The following FRMPD1 variants were observed in gnomAD, a reference collection of about 807,000 sequenced individuals.
The protein encoded by FRMPD1 is FERM and PDZ domain containing 1, also known as FERM and PDZ domain-containing protein 1.
FRMPD1 carries 76 observed loss-of-function variants against 117.8 expected under a neutral mutation model. The observed-to-expected ratio is 0.65, with a 90% CI of 0.54 to 0.78. FRMPD1 has a LOEUF of 0.78. FRMPD1 is among the 30% of genes least tolerant of loss of function. FRMPD1 has a pLI of 0.00. For missense variants in FRMPD1, 1,786 were observed against 1,964.5 expected, an observed-to-expected ratio of 0.91 and a Z score of 1.72; for synonymous variants, 783 against 770.4, an observed-to-expected ratio of 1.02 and a Z score of -0.27.
the FRMPD1 span, among the ~76,000 whole-genome samples, chr9:37,638,034 C>CTTTCT: frequency 3.1e-5 from 2 of 63,974 alleles, 1 homozygote; most frequent in African/African-American, 1.2e-4. Flanking sequence ...CTCTCTCTTT[C>CTTTCT]TTCCTTTCTT....
chr9:37,622,821 G>C, the FRMPD1 span, among the ~76,000 whole-genome samples: 5 of 151,732 alleles, frequency 3.3e-5, no homozygotes, highest in Non-Finnish European at 7.4e-5. Flanking sequence ...TAGGAAATGA[G>C]AAAAAAGTAG....
At chr9:37,608,461 C>A in the FRMPD1 span, among the ~76,000 whole-genome samples, 1 of 147,698 alleles carries the variant, frequency 6.8e-6, no homozygotes, top group Non-Finnish European at 1.5e-5. Flanking sequence ...TTCCTTTCTT[C>A]CTTCCCTCCT....
chr9:37,711,569 A>G (rs1024197649), intron 5 of FRMPD1, among the ~76,000 whole-genome samples, 174 bp downstream of exon 5: 5 of 152,156 alleles, frequency 3.3e-5, no homozygotes, highest in Non-Finnish European at 7.4e-5. Context: ...TCCTCCATGC[A>G]AGTACTGTGG....
chr9:37,744,184 C>T (rs1179901032), intron 15 of FRMPD1, among the ~76,000 whole-genome samples: 6 of 151,704 alleles, frequency 4.0e-5, no homozygotes, highest in African/African-American at 4.9e-5. Flanking sequence ...AAAGAGACTC[C>T]GTCTCAAAAA....
intron 1 of FRMPD1, among the ~76,000 whole-genome samples, chr9:37,665,490 G>T (rs1271655405): frequency 6.6e-6 from 1 of 152,190 alleles, no homozygotes; most frequent in African/African-American, 2.4e-5. Context: ...GTCCATTTGT[G>T]TGAGTATATT....
the FRMPD1 span, among the ~76,000 whole-genome samples, chr9:37,643,589 G>T: frequency 0.11 from 17,361 of 151,802 alleles, 1,078 homozygotes; most frequent in East Asian, 0.18. Flanking sequence ...TTACATTTTT[G>T]ATTTTAAAAA....
At chr9:37,699,511 G>A (rs1588939168) in intron 2 of FRMPD1, among the ~76,000 whole-genome samples, 1 of 150,858 alleles carries the variant, frequency 6.6e-6, no homozygotes, top group African/African-American at 2.4e-5. Context: ...GAAGATACGG[G>A]GTTTCACCAT....
At chr9:37,724,014 T>A (rs374341463) in intron 6 of FRMPD1, among the ~76,000 whole-genome samples, 34 of 145,432 alleles carry the variant, frequency 2.3e-4, no homozygotes, top group Non-Finnish European at 4.5e-4. Flanking sequence ...ATAAAAAAAA[T>A]AAAAAAAAAT....
In FRMPD1 at chr9:37,746,503, C is replaced by T. The variant is rs560169499; in HGVS notation, c.4471C>T (p.Arg1491Cys). ...QSPEEMQGAVRDTFQHLVQLA... is the reference protein window; with the variant it reads ...QSPEEMQGAVCDTFQHLVQLA... ...CCCCGAAGAGATGCAGGGGGCCGTGCGTGACACCTTCCAGCACCTGGTCCA... is the reference window on the plus strand; with the variant it reads ...CCCCGAAGAGATGCAGGGGGCCGTGTGTGACACCTTCCAGCACCTGGTCCA... Residue 1491 changes from arginine to cysteine, a missense_variant, in exon 16 of 16, where the codon CGT (arginine) becomes TGT (cysteine). By Grantham distance (180) the Arg-to-Cys change is radical (BLOSUM62 -3). Transcript: ENST00000377765. The T allele has an allele frequency of 5.9e-5, 96 of 1,613,612 alleles. No individual in the cohort carries two copies. Among genetic ancestry groups the T allele is most frequent in the Admixed American group, 1.0e-4 (6 of 60,026 alleles).
chr9:37,613,208 G>A, the FRMPD1 span, among the ~76,000 whole-genome samples: 1 of 152,140 alleles, frequency 6.6e-6, no homozygotes, highest in Non-Finnish European at 1.5e-5. Context: ...TGGTGTAAGA[G>A]GGAAGATAAA....
chr9:37,741,015 G>T (rs1245409324), intron 15 of FRMPD1, 131 bp downstream of exon 15: 8 of 705,858 alleles, frequency 1.1e-5, no homozygotes. Flanking sequence ...TTCTGAGGAG[G>T]TAGATACAGA....
intron 1 of FRMPD1, among the ~76,000 whole-genome samples, chr9:37,679,513 A>T (rs1588921170): frequency 6.6e-6 from 1 of 152,180 alleles, no homozygotes; most frequent in African/African-American, 2.4e-5. Context: ...TTACTCTTTC[A>T]CTATCACTCC....
rs1824621452 is a variant in FRMPD1 at position 37,744,983 on chromosome 9, C to A, written c.2951C>A (p.Ala984Glu). 1 of 1,614,064 alleles carries A rather than the reference C, an allele frequency of 6.2e-7. No individual in the cohort carries two copies. Among genetic ancestry groups the A allele is most frequent in the Non-Finnish European group, 8.5e-7 (1 of 1,180,008 alleles). ...TCATCTGGCCCAGATACTGCTCAGG[C>A]AAGGCCTTCCCAAATCTTACCTCTA... ...PGSSGPDTAQ[A>E]RPSQILPLSQ... is the part of the protein sequence containing the mutation. The change falls in exon 16 of 16, where the codon GCA becomes GAA. Residue 984 changes from alanine (A) to glutamate (E), a missense_variant. By Grantham distance (107) the Ala-to-Glu change is moderately radical. Coordinates refer to ENST00000377765, the MANE Select transcript of FRMPD1 (RefSeq NM_014907.3).
At chr9:37,637,975 T>TCTTTCTTA in the FRMPD1 span, among the ~76,000 whole-genome samples, 1 of 97,146 alleles carries the variant, frequency 1.0e-5, no homozygotes, top group African/African-American at 3.8e-5. Context: ...TTTCTTTCTT[T>TCTTTCTTA]CTTTCTTTCT....
At chr9:37,657,123 C>CT (rs1733802152) in intron 1 of FRMPD1, among the ~76,000 whole-genome samples, 1 of 152,212 alleles carries the variant, frequency 6.6e-6, no homozygotes, top group Admixed American at 6.5e-5. Flanking sequence ...GCATCATTCT[C>CT]TGAGATTTTT....
At chr9:37,611,308 T>C in the FRMPD1 span, among the ~76,000 whole-genome samples, 3 of 152,212 alleles carry the variant, frequency 2.0e-5, no homozygotes, top group Non-Finnish European at 4.4e-5. Flanking sequence ...AGCAAATTTT[T>C]TGTGCTTATG....
chr9:37,733,841 C>G lies in FRMPD1; in HGVS notation c.1218+16C>G, dbSNP rs1824003928. 7.6e-7 allele frequency: 1 copy of G among 1,317,928 alleles called. No individual in the cohort carries two copies. The highest frequency in any genetic ancestry group is 1.1e-6 in the Non-Finnish European group (1 of 910,258). The allele number at this position is 1,317,928 out of a possible 1,614,324, so 81.6% of individuals were successfully genotyped here. On this transcript the variant is annotated intron_variant, in intron 12 of 15. Coordinates refer to ENST00000377765, the MANE Select transcript of FRMPD1 (RefSeq NM_014907.3). ...TACTTTAATGGTATGTATTAGAGAA[C>G]TGTGAAATCCTACTCACGTAAGGGA...
At position 37,726,985 on chromosome 9, in the gene FRMPD1, G is replaced by A. The variant is rs79525946; in HGVS notation, c.612+2665G>A. 2.9e-3 allele frequency among the ~76,000 whole-genome samples: 449 copies of A among 152,212 alleles called. 1 individual carries two copies. The highest frequency in any genetic ancestry group is 5.6e-3 in the Non-Finnish European group (383 of 68,008). ...AGATAGATTGGCTTTTGACTGGAGT[G>A]GGCCAAGAGTGATGTGTGAAGGCAA... On this transcript the variant is annotated intron_variant, in intron 7 of 15. Transcript: ENST00000377765.
chr9:37,606,598 G>A, the FRMPD1 span, among the ~76,000 whole-genome samples: 1 of 152,256 alleles, frequency 6.6e-6, no homozygotes, highest in South Asian at 2.1e-4. Context: ...CGCTGAATAT[G>A]CACAAAACTC....
Sources: gnomAD v4.1 joint callset for allele counts (sites outside exome capture counted in the v4.1 genomes callset) on GRCh38, gnomAD v4.1.1 for gene constraint, MANE v1.5 for transcripts, NCBI Gene and HGNC (gene_info 2026-07-23, HGNC 2026-07-21) for gene names.